The following MAP3K7 variants were observed in gnomAD, a reference collection of about 807,000 sequenced individuals.
MAP3K7 encodes the protein mitogen-activated protein kinase kinase kinase 7, also known as TGF-beta activated kinase 1.
A neutral mutation model predicts 84.8 loss-of-function variants in MAP3K7; 21 were observed. That is an observed-to-expected ratio of 0.25 (90% CI 0.18 to 0.36). The LOEUF (loss-of-function observed/expected upper bound fraction) is 0.36, where lower values mean the gene tolerates loss of function less well. Ranked by LOEUF, MAP3K7 falls within the 10% of genes least tolerant of loss-of-function variation. The pLI, the probability that MAP3K7 is intolerant of heterozygous loss-of-function variation, is 1.00. For synonymous variants in MAP3K7, 241 were observed against 247.7 expected (o/e 0.97, Z 0.25); for missense variants, 503 against 747.7 (o/e 0.67, Z 3.82).
At chr6:90,525,030 A>T (rs1342119690) in intron 13 of MAP3K7, among the ~76,000 whole-genome samples, 1 of 143,634 alleles carries the variant, frequency 7.0e-6, no homozygotes. Context: ...AAAGAAAAGA[A>T]AGAGAAATAA....
chr6:90,518,396 A>G (rs1775040677), intron 16 of MAP3K7, 51 bp downstream of exon 16: 1 of 952,528 alleles, frequency 1.0e-6, no homozygotes, highest in Non-Finnish European at 1.6e-6. Flanking sequence ...ATCATATTTT[A>G]AACTCAAAAT....
intron 13 of MAP3K7, among the ~76,000 whole-genome samples, chr6:90,533,086 A>C (rs1230979953): frequency 6.6e-6 from 1 of 152,208 alleles, no homozygotes; most frequent in Admixed American, 6.5e-5. Context: ...ATTAGGTGAA[A>C]AAGTACCAAC....
intron 1 of MAP3K7, 104 bp downstream of exon 1, chr6:90,586,660 C>T: frequency 6.9e-7 from 1 of 1,457,462 alleles, no homozygotes. Context: ...CCGCAGGGTC[C>T]CGCGAATTAG....
At chr6:90,585,371 A>G (rs1303402766) in intron 1 of MAP3K7, among the ~76,000 whole-genome samples, 2 of 152,212 alleles carry the variant, frequency 1.3e-5, no homozygotes, top group Non-Finnish European at 2.9e-5. Context: ...CACAGGAAAA[A>G]AAATTTATTT....
At chr6:90,516,734 G>T in intron 16 of MAP3K7, 53 bp from the exon 17 acceptor site, 1 of 1,409,722 alleles carries the variant, frequency 7.1e-7, no homozygotes, top group Non-Finnish European at 9.7e-7. Context: ...TCATACCTTA[G>T]TAGCTGATGA....
At chr6:90,567,905 C>G (rs1776764379) in intron 3 of MAP3K7, among the ~76,000 whole-genome samples, 1 of 152,176 alleles carries the variant, frequency 6.6e-6, no homozygotes, top group Non-Finnish European at 1.5e-5. Context: ...GAGTTCATGT[C>G]CTTTGTAGGG....
chr6:90,542,177 A>C, intron 12 of MAP3K7: 1 of 936,432 alleles, frequency 1.1e-6, no homozygotes. Context: ...TTTACAATTA[A>C]AATGTCATGT....
chr6:90,543,867 A>G (rs967779), intron 12 of MAP3K7, among the ~76,000 whole-genome samples: 40,558 of 152,010 alleles, frequency 0.27, 5,937 homozygotes, highest in South Asian at 0.42. Context: ...AATGATCACC[A>G]TAAGAAATAA....
chr6:90,551,948 T>A, intron 8 of MAP3K7, 101 bp downstream of exon 8: 1 of 1,299,148 alleles, frequency 7.7e-7, no homozygotes, highest in Non-Finnish European at 1.0e-6. Context: ...TAGCAATATA[T>A]AAAGCAGAAT....
intron 1 of MAP3K7, among the ~76,000 whole-genome samples, chr6:90,574,370 A>C (rs1455782747): frequency 6.6e-6 from 1 of 151,970 alleles, no homozygotes; most frequent in Non-Finnish European, 1.5e-5. Context: ...CAGCCTCCCA[A>C]AGTGCTGGGA....
intron 1 of MAP3K7, among the ~76,000 whole-genome samples, chr6:90,583,834 AG>A (rs1777357846): frequency 6.6e-6 from 1 of 152,180 alleles, no homozygotes; most frequent in Non-Finnish European, 1.5e-5. Context: ...CATTCTCTAC[AG>A]CCAGTTCTAG....
chr6:90,566,550 T>C (rs563037195), intron 3 of MAP3K7, among the ~76,000 whole-genome samples: 44 of 152,126 alleles, frequency 2.9e-4, no homozygotes, highest in African/African-American at 1.0e-3. Flanking sequence ...CCACTGCTCA[T>C]TGGAATAAAA....
chr6:90,581,927 A>G (rs1397993732), intron 1 of MAP3K7, among the ~76,000 whole-genome samples: 2 of 152,232 alleles, frequency 1.3e-5, no homozygotes, highest in Admixed American at 1.3e-4. Flanking sequence ...TCTTTGTAGC[A>G]TATTTTAGCT....
intron 11 of MAP3K7, among the ~76,000 whole-genome samples, chr6:90,545,651 G>A (rs205348): frequency 0.34 from 52,086 of 151,984 alleles, 9,114 homozygotes; most frequent in South Asian, 0.42. Context: ...TCAGTGGCTG[G>A]TGACTTCTAC....
At chr6:90,527,467 G>A (rs1219963415) in intron 13 of MAP3K7, among the ~76,000 whole-genome samples, 3 of 142,262 alleles carry the variant, frequency 2.1e-5, no homozygotes, top group Non-Finnish European at 3.1e-5. Flanking sequence ...GGTCTCGCCC[G>A]TGTTGTGCAG....
At chr6:90,539,947 T>C (rs535298116) in intron 12 of MAP3K7, among the ~76,000 whole-genome samples, 3 of 152,084 alleles carry the variant, frequency 2.0e-5, no homozygotes, top group Admixed American at 6.6e-5. Flanking sequence ...CAATATACAA[T>C]AGAGCTAAAC....
rs190491722 is a variant in MAP3K7, at chr6:90,530,758, G to T, written c.1356+5579C>A. Among the ~76,000 whole-genome samples the T allele has an allele frequency of 2.6e-4, 39 of 152,128 alleles. 1 individual carries two copies. The highest frequency in any genetic ancestry group is 9.2e-4 in the Admixed American group (14 of 15,290). On this transcript the variant is annotated intron_variant, in intron 13 of 16. Transcript: ENST00000369329. Reference sequence around the variant, plus strand: ...GTTTTTGAGTATGTGAATAATACAAGGCATAAATAAGAGGAACACATAACA... The same window carrying T: ...GTTTTTGAGTATGTGAATAATACAATGCATAAATAAGAGGAACACATAACA...
At chr6:90,564,654 A>AAATT (rs1220960997) in intron 3 of MAP3K7, among the ~76,000 whole-genome samples, 1 of 152,226 alleles carries the variant, frequency 6.6e-6, no homozygotes, top group Non-Finnish European at 1.5e-5. Context: ...AATGTTAGAC[A>AAATT]AATTAACGAG....
At chr6:90,533,583 T>C (rs995960801) in intron 13 of MAP3K7, among the ~76,000 whole-genome samples, 4 of 152,192 alleles carry the variant, frequency 2.6e-5, no homozygotes, top group African/African-American at 4.8e-5. Context: ...TCACTCTTAA[T>C]AGCTGGGAGA....
Sources: allele counts gnomAD v4.1 joint callset (sites outside exome capture counted in the v4.1 genomes callset), GRCh38; gene constraint gnomAD v4.1.1; transcripts MANE v1.5; gene names NCBI Gene and HGNC (gene_info 2026-07-23, HGNC 2026-07-21).